The following MIA2 variants were observed in gnomAD, a reference collection of about 807,000 sequenced individuals.
The protein encoded by MIA2 is melanoma inhibitory activity protein 2.
In MIA2, 127 loss-of-function variants were observed where a neutral mutation model predicts 167.8. The observed-to-expected ratio is 0.76, with a 90% CI of 0.66 to 0.88. The LOEUF (loss-of-function observed/expected upper bound fraction) is 0.88, where lower values mean the gene tolerates loss of function less well. Ranked by LOEUF, MIA2 falls within the 40% of genes least tolerant of loss-of-function variation. The pLI, the probability that MIA2 is intolerant of heterozygous loss-of-function variation, is 0.00. For synonymous variants in MIA2, 552 were observed against 541.9 expected (o/e 1.02, Z -0.26); for missense variants, 1,690 against 1,624.7 (o/e 1.04, Z -0.69).
chr14:39,386,425 T>C, intron 23 of MIA2: 2 of 1,554,222 alleles, frequency 1.3e-6, no homozygotes, highest in Non-Finnish European at 1.8e-6. Context: ...CAAGGCTGTT[T>C]CTAGCAGAAC....
At chr14:39,372,573 T>G (rs577639462) in intron 23 of MIA2, among the ~76,000 whole-genome samples, 4 of 152,308 alleles carry the variant, frequency 2.6e-5, no homozygotes, top group African/African-American at 7.2e-5. Context: ...CTTCGTAAAT[T>G]TTAAATAACT....
At chr14:39,243,598 GCTCATGC>G (rs2054158930) in intron 3 of MIA2, among the ~76,000 whole-genome samples, 1 of 152,202 alleles carries the variant, frequency 6.6e-6, no homozygotes, top group South Asian at 2.1e-4. Context: ...GGGGGTGGTG[GCTCATGC>G]CTGTAATCCC....
intron 26 of MIA2, 45 bp from the exon 27 acceptor site, chr14:39,347,668 A>G (rs1302081272): frequency 6.3e-7 from 1 of 1,591,406 alleles, no homozygotes; most frequent in African/African-American, 1.3e-5. Flanking sequence ...TCTAGGAATA[A>G]AGTGATAAAT....
intron 23 of MIA2, chr14:39,385,586 C>A (rs2075259629): frequency 2.5e-6 from 2 of 811,974 alleles, no homozygotes; most frequent in Non-Finnish European, 4.5e-6. Flanking sequence ...AAGGATGAAA[C>A]AATTTCTATA....
At chr14:39,293,420 A>C in intron 11 of MIA2, 39 bp downstream of exon 11, 1 of 1,299,696 alleles carries the variant, frequency 7.7e-7, no homozygotes, top group Non-Finnish European at 1.1e-6. Context: ...AAGAAAAAGA[A>C]AGTTACTGAG....
chr14:39,306,721 G>T (rs1274671443), intron 17 of MIA2, among the ~76,000 whole-genome samples: 1 of 151,976 alleles, frequency 6.6e-6, no homozygotes, highest in African/African-American at 2.4e-5. Flanking sequence ...CCCTCTTTAG[G>T]CAGAGTGAGT....
chr14:39,238,793 C>CAAAAAAAAAAA (rs769534317), intron 2 of MIA2, among the ~76,000 whole-genome samples: 418 of 30,756 alleles, frequency 0.014, 44 homozygotes, highest in South Asian at 0.021. Flanking sequence ...GACCCTGTCT[C>CAAAAAAAAAAA]AAAAAAAAAA....
chr14:39,295,027 C>G lies in MIA2; in HGVS notation c.2494C>G (p.Gln832Glu), dbSNP rs202124210. The G allele has an allele frequency of 3.1e-4, 499 of 1,597,470 alleles. No individual in the cohort carries two copies. Among genetic ancestry groups the G allele is most frequent in the Non-Finnish European group, 3.9e-4 (460 of 1,165,140 alleles). ...ENSQLQESQK[Q>E]LLQEAEVWKE... Reference sequence around the variant, plus strand: ...TTCTCAACTTCAGGAAAGCCAGAAACAGGTTTGTGCTCCGTAGGGACTCTT... The same window carrying G: ...TTCTCAACTTCAGGAAAGCCAGAAAGAGGTTTGTGCTCCGTAGGGACTCTT... The change falls in exon 13 of 29, where the codon CAG (glutamine) becomes GAG (glutamate). Residue 832 changes from glutamine to glutamate, a missense_variant and splice_region_variant. Physicochemically the swap from Gln to Glu is conservative, Grantham distance 29. Coordinates refer to ENST00000640607, the MANE Select transcript of MIA2 (RefSeq NM_001329214.4).
intron 6 of MIA2, chr14:39,276,214 T>C (rs1375410265): frequency 6.6e-6 from 1 of 152,200 alleles, no homozygotes; most frequent in Non-Finnish European, 1.5e-5. Context: ...AGGTGAAATA[T>C]AGAAGCAACA....
chr14:39,341,993 G>A (rs1477558266), intron 25 of MIA2, among the ~76,000 whole-genome samples: 1 of 151,908 alleles, frequency 6.6e-6, no homozygotes, highest in Non-Finnish European at 1.5e-5. Context: ...TGGGTAACTT[G>A]GTGAACAACA....
intron 1 of MIA2, among the ~76,000 whole-genome samples, chr14:39,235,360 A>G (rs1490953736): frequency 6.6e-6 from 1 of 152,246 alleles, no homozygotes; most frequent in East Asian, 1.9e-4. Flanking sequence ...AAAATGAAAA[A>G]TGAAAAATGT....
At chr14:39,305,867 T>C (rs1393797244) in intron 17 of MIA2, among the ~76,000 whole-genome samples, 5 of 149,196 alleles carry the variant, frequency 3.4e-5, no homozygotes, top group Non-Finnish European at 7.4e-5. Flanking sequence ...ACATGGGAGG[T>C]GGAGGTTGCA....
chr14:39,288,992 G>A (rs1040810), intron 9 of MIA2, among the ~76,000 whole-genome samples: 83,355 of 151,994 alleles, frequency 0.55, 24,618 homozygotes, highest in South Asian at 0.67. Context: ...CTCATAAAAT[G>A]TGTTAGGAAA....
At chr14:39,320,355 T>C (rs1566909408) in intron 23 of MIA2, among the ~76,000 whole-genome samples, 1 of 152,208 alleles carries the variant, frequency 6.6e-6, no homozygotes, top group Admixed American at 6.5e-5. Context: ...ATAGATAAAG[T>C]GATTTAGTTG....
At chr14:39,310,497 T>C (rs2064061486) in intron 18 of MIA2, among the ~76,000 whole-genome samples, 1 of 152,174 alleles carries the variant, frequency 6.6e-6, no homozygotes, top group Non-Finnish European at 1.5e-5. Context: ...AAAGTATCTT[T>C]AAACAGAAGC....
chr14:39,251,533 A>G (rs1471204367), intron 4 of MIA2, among the ~76,000 whole-genome samples: 1 of 152,096 alleles, frequency 6.6e-6, no homozygotes, highest in Non-Finnish European at 1.5e-5. Flanking sequence ...ACAGTATTTT[A>G]AAATAATCAA....
chr14:39,288,455 ATATATATATATATATATATATT>A (rs1314288559), intron 9 of MIA2, among the ~76,000 whole-genome samples: 2 of 15,784 alleles, frequency 1.3e-4, no homozygotes, highest in African/African-American at 1.6e-4. Context: ...ATATATATAT[ATATATATATATATATATATATT>A]TTTTTTTTTT....
At chr14:39,357,842 GT>G (rs1290127618) in intron 23 of MIA2, among the ~76,000 whole-genome samples, 11 of 150,790 alleles carry the variant, frequency 7.3e-5, no homozygotes, top group African/African-American at 2.5e-4. Context: ...GAAATTCTGG[GT>G]TGAAAATTCT....
At chr14:39,358,859 G>C (rs2074601812) in intron 23 of MIA2, among the ~76,000 whole-genome samples, 2 of 152,238 alleles carry the variant, frequency 1.3e-5, no homozygotes, top group South Asian at 4.1e-4. Flanking sequence ...GGAGGCTGCA[G>C]AACAGCGGAT....
Sources: allele counts gnomAD v4.1 joint callset (sites outside exome capture counted in the v4.1 genomes callset), GRCh38; gene constraint gnomAD v4.1.1; transcripts MANE v1.5; gene names NCBI Gene and HGNC (gene_info 2026-07-23, HGNC 2026-07-21).